Variants in DZIP1 observed in about 807,000 individuals in gnomAD.
DZIP1 encodes the protein DAZ interacting zinc finger protein 1.
In DZIP1, 97 loss-of-function variants were observed where a neutral mutation model predicts 107.6. The observed-to-expected ratio is 0.90, with a 90% confidence interval of 0.77 to 1.07. The LOEUF (loss-of-function observed/expected upper bound fraction) is 1.07. Ranked by LOEUF, DZIP1 falls within the 50% of genes least tolerant of loss-of-function variation. The pLI is 0.00. For missense variants in DZIP1, 1,035 were observed against 1,063.6 expected (o/e 0.97, Z 0.37); for synonymous variants, 390 against 386.4 (o/e 1.01, Z -0.11).
At chr13:95,590,571 G>GC in intron 16 of DZIP1, 130 bp from the exon 17 acceptor site, 1 of 896,076 alleles carries the variant, frequency 1.1e-6, no homozygotes, top group South Asian at 2.0e-5. Context: ...GAGGGTAAGG[G>GC]TGCCCCAACA....
intron 3 of DZIP1, among the ~76,000 whole-genome samples, chr13:95,642,779 T>G (rs1878686489): frequency 6.6e-6 from 1 of 152,234 alleles, no homozygotes; most frequent in Non-Finnish European, 1.5e-5. Flanking sequence ...AAATGAAATT[T>G]GCAGTTAATC....
chr13:95,600,139 C>G (rs1228851880), intron 14 of DZIP1, among the ~76,000 whole-genome samples: 1 of 152,140 alleles, frequency 6.6e-6, no homozygotes, highest in Non-Finnish European at 1.5e-5. Context: ...CTGCCAGCAG[C>G]AGGTATAAAA....
At chr13:95,631,328 G>A (rs898197425) in intron 6 of DZIP1, among the ~76,000 whole-genome samples, 5 of 152,106 alleles carry the variant, frequency 3.3e-5, no homozygotes, top group Admixed American at 3.3e-4. Context: ...CTAGCCAGGT[G>A]TGGTAGTGAG....
At chr13:95,620,604 G>C (rs1706101006) in intron 9 of DZIP1, among the ~76,000 whole-genome samples, 1 of 152,156 alleles carries the variant, frequency 6.6e-6, no homozygotes, top group Admixed American at 6.5e-5. Flanking sequence ...CAATACAGCT[G>C]TGTCATTCCA....
Position 95,609,493 on chromosome 13 carries a change from C to A in DZIP1, c.1384G>T (p.Ala462Ser), listed in dbSNP as rs755345464. 1.8e-5 allele frequency: 29 copies of A among 1,586,670 alleles called. No homozygotes were observed. The highest frequency in any genetic ancestry group is 2.4e-5 in the Non-Finnish European group (28 of 1,167,128). Residue 462 changes from alanine (A) to serine (S), a missense_variant, in exon 13 of 23, where the codon GCT becomes TCT. Coordinates refer to ENST00000376829, the MANE Select transcript of DZIP1 (RefSeq NM_198968.4). ...EPKGNPLAWQ[A>S]FESQPAAPAV... ...GGAGCAGCTGGCTGAGATTCAAAAG[C>A]CTGCCAGGCTAAAGGATTTCCTGAA... is the stretch of plus-strand genomic sequence containing the variant.
In DZIP1 at chr13:95,585,749, G is replaced by A. The variant is rs374896310; in HGVS notation, c.2349+257C>T. ...TGTACAAACCATTTGATATCTGCAA[G>A]TATCAGATAATACATGTGACAGGAT... On this transcript the variant is annotated intron_variant, in intron 21 of 22. Transcript: ENST00000376829. Among the ~76,000 whole-genome samples, 11 of 152,334 alleles carry A rather than the reference G, an allele frequency of 7.2e-5. No individual in the cohort carries two copies. The East Asian group carries it at 2.1e-3, about 29-fold the overall frequency.
At position 95,580,822 on chromosome 13, in the gene DZIP1, A is replaced by T. The variant is rs1335135157; in HGVS notation, c.*1412T>A. ...TCGGCCTTCTGTTCTCTGTCCTACT[A>T]CATGAAACTTGGATTCAGCCTTCAC... is the stretch of plus-strand genomic sequence containing the variant. On this transcript the variant is annotated 3_prime_UTR_variant, in exon 23 of 23. Transcript: ENST00000376829. The T allele has an allele frequency of 6.6e-6, 1 of 152,236 alleles. No homozygotes were observed. The highest frequency in any genetic ancestry group is 2.4e-5 in the African/African-American group (1 of 41,466). The allele number at this position is 152,236 out of a possible 1,614,324, so 9.4% of individuals were successfully genotyped here.
rs538517076 is a variant in DZIP1 at position 95,628,057 on chromosome 13, T to G, written c.810+1932A>C. On this transcript the variant is annotated intron_variant, in intron 7 of 22. Coordinates refer to ENST00000376829, the MANE Select transcript of DZIP1 (RefSeq NM_198968.4). ...AAAAGGTCACACATTACTTTTTTTTTTTCAGATGGGGTCTCATTCTGTAGC... is the reference window on the plus strand; with the variant it reads ...AAAAGGTCACACATTACTTTTTTTTGTTCAGATGGGGTCTCATTCTGTAGC... 7.9e-5 allele frequency among the ~76,000 whole-genome samples: 12 copies of G among 152,220 alleles called. 1 individual carries two copies. In the South Asian group the frequency reaches 2.3e-3, roughly 29 times the overall value.
chr13:95,619,981 C>G (rs1393523941), intron 9 of DZIP1, 34 bp from the exon 10 acceptor site: 1 of 1,608,844 alleles, frequency 6.2e-7, no homozygotes, highest in Non-Finnish European at 8.5e-7. Context: ...TTATGTACAA[C>G]TGTAACAATG....
intron 14 of DZIP1, among the ~76,000 whole-genome samples, chr13:95,602,176 T>A (rs992713908): frequency 5.9e-5 from 9 of 152,084 alleles, no homozygotes; most frequent in Non-Finnish European, 1.5e-5. Context: ...CTCACTTCCC[T>A]CACATCTCCT....
intron 10 of DZIP1, among the ~76,000 whole-genome samples, chr13:95,619,278 A>G (rs924473227): frequency 6.6e-6 from 1 of 152,232 alleles, no homozygotes; most frequent in African/African-American, 2.4e-5. Flanking sequence ...AAAACTATGT[A>G]TATATGAGGT....
In DZIP1 at chr13:95,597,641, C is replaced by T. The variant is rs138327647; in HGVS notation, c.1537+1724G>A. On this transcript the variant is annotated intron_variant, in intron 15 of 22. Coordinates refer to ENST00000376829, the MANE Select transcript of DZIP1 (RefSeq NM_198968.4). ...AAGAGTTGAGGGGGATTATGGCAAACCGGAGGTTGCTTCCATAGCCAGTGA... is the reference window on the plus strand; with the variant it reads ...AAGAGTTGAGGGGGATTATGGCAAATCGGAGGTTGCTTCCATAGCCAGTGA... 7.9e-3 allele frequency among the ~76,000 whole-genome samples: 1,197 copies of T among 152,266 alleles called. 17 individuals are homozygous for T. The highest frequency in any genetic ancestry group is 0.028 in the African/African-American group (1,149 of 41,542).
chr13:95,578,877 C>G lies in DZIP1; in HGVS notation c.*3357G>C, dbSNP rs918596835. 1 of 152,066 alleles carries G rather than the reference C, an allele frequency of 6.6e-6. No individual in the cohort carries two copies. Among genetic ancestry groups the G allele is most frequent in the Admixed American group, 6.6e-5 (1 of 15,258 alleles). 9.4% of individuals were successfully genotyped at this position (152,066 alleles called of 1,614,324 possible). The stretch of plus-strand genomic sequence containing the variant: ...CTGCTCCAGGAAGGGCTAATGGGGC[C>G]AATATATTATTGCCTGTCATGTGGC... On this transcript the variant is annotated 3_prime_UTR_variant, in exon 23 of 23. Transcript: ENST00000376829.
chr13:95,598,350 TAAAC>T (rs1024129642), intron 15 of DZIP1, among the ~76,000 whole-genome samples: 11 of 152,108 alleles, frequency 7.2e-5, no homozygotes, highest in East Asian at 1.9e-4. Context: ...GGAAGCAAAA[TAAAC>T]AAACCCTATA....
chr13:95,593,873 C>T, intron 16 of DZIP1, 71 bp downstream of exon 16: 1 of 1,526,694 alleles, frequency 6.6e-7, no homozygotes, highest in Non-Finnish European at 8.8e-7. Flanking sequence ...TCTTCTCTTC[C>T]ATGATCATTT....
At chr13:95,617,121 G>A (rs545147996) in intron 10 of DZIP1, among the ~76,000 whole-genome samples, 4 of 151,984 alleles carry the variant, frequency 2.6e-5, no homozygotes, top group African/African-American at 9.7e-5. Context: ...AGAATCGCTT[G>A]AACCCAGGAA....
chr13:95,628,872 G>A (rs1477584802), intron 7 of DZIP1, among the ~76,000 whole-genome samples: 2 of 152,122 alleles, frequency 1.3e-5, no homozygotes, highest in Non-Finnish European at 2.9e-5. Flanking sequence ...AAGGAGGGGG[G>A]AGTGGAGCAC....
chr13:95,635,300 G>A (rs1041358890), intron 5 of DZIP1, among the ~76,000 whole-genome samples: 2 of 149,576 alleles, frequency 1.3e-5, no homozygotes, highest in East Asian at 2.0e-4. Context: ...AGGTTCAAGC[G>A]ATTCTCCTGC....
rs758667527 is a variant in DZIP1 at position 95,641,417 on chromosome 13, T to A, written c.475A>T (p.Ser159Cys). Residue 159 changes from serine (S) to cysteine (C), a missense_variant, in exon 5 of 23, where the codon AGC (serine) becomes TGC (cysteine). Ser to Cys is a moderately radical substitution (Grantham distance 112). Coordinates refer to ENST00000376829, the MANE Select transcript of DZIP1 (RefSeq NM_198968.4). This position sits in a 1 kb window ranked among gnomAD's most constrained non-coding sequence, Gnocchi z 4.3. ...GCCTGCTTGGTGAGCAGCTTCTTGC[T>A]CTGCTCGCCGTCGCAGTGGCTCAGG... is the stretch of plus-strand genomic sequence containing the variant. ...LRLSHCDGEQSKKLLTKQAGE... is the reference protein window; with the variant it reads ...LRLSHCDGEQCKKLLTKQAGE... 6.2e-7 allele frequency: 1 copy of A among 1,614,036 alleles called. No homozygotes were observed. Among genetic ancestry groups the A allele is most frequent in the Non-Finnish European group, 8.5e-7 (1 of 1,180,014 alleles).
Sources: gnomAD v4.1 joint callset for allele counts (sites outside exome capture counted in the v4.1 genomes callset) on GRCh38, gnomAD v4.1.1 for gene constraint, Gnocchi (gnomAD v3.1) non-coding constraint, MANE v1.5 for transcripts, NCBI Gene and HGNC (gene_info 2026-07-23, HGNC 2026-07-21) for gene names.